The following TRPM3 variants were observed in gnomAD, a reference collection of about 807,000 sequenced individuals.
TRPM3 encodes the protein transient receptor potential cation channel subfamily M member 3.
In TRPM3, 77 loss-of-function variants were observed where a neutral mutation model predicts 181.2. That is an observed-to-expected ratio of 0.42 (90% CI 0.35 to 0.51). The LOEUF (loss-of-function observed/expected upper bound fraction) is 0.51, where lower values mean the gene tolerates loss of function less well. Ranked by LOEUF, TRPM3 falls within the 20% of genes least tolerant of loss-of-function variation. TRPM3 has a pLI of 0.01. For missense variants in TRPM3, 1,759 were observed against 2,196.7 expected, an observed-to-expected ratio of 0.80 and a Z score of 3.98; for synonymous variants, 745 against 796.4, an observed-to-expected ratio of 0.94 and a Z score of 1.09.
At chr9:71,385,806 G>C (rs531641587) in intron 1 of TRPM3, among the ~76,000 whole-genome samples, 6 of 152,204 alleles carry the variant, frequency 3.9e-5, no homozygotes, top group African/African-American at 1.4e-4. Context: ...CCGGGTTCAA[G>C]GGATTCTTCC....
intron 22 of TRPM3, among the ~76,000 whole-genome samples, chr9:70,569,640 A>G (rs1404055271): frequency 2.6e-5 from 4 of 152,170 alleles, no homozygotes; most frequent in Middle Eastern, 3.2e-3. Context: ...TCTGAGATCA[A>G]TCAGGATGTT....
intron 1 of TRPM3, among the ~76,000 whole-genome samples, chr9:70,958,840 A>G (rs2097106928): frequency 6.6e-6 from 1 of 151,920 alleles, no homozygotes; most frequent in South Asian, 2.1e-4. Flanking sequence ...AAAAATGATG[A>G]GTTCATGTCC....
intron 1 of TRPM3, among the ~76,000 whole-genome samples, chr9:71,381,273 A>G (rs927201554): frequency 4.6e-5 from 7 of 152,156 alleles, no homozygotes; most frequent in African/African-American, 1.7e-4. Context: ...TAACATTCAG[A>G]CTGGTAGATT....
rs182043909 is a variant in TRPM3, at chr9:71,395,315, T to C, written c.183+51338A>G. ...TACAAAGATTTAACAGCTTCAGATATAAATGTTTTGCCTTCCTCAGCGGAA... is the reference window on the plus strand; with the variant it reads ...TACAAAGATTTAACAGCTTCAGATACAAATGTTTTGCCTTCCTCAGCGGAA... On this transcript the variant is annotated intron_variant, in intron 1 of 24. Coordinates refer to the TRPM3 transcript ENST00000357533. Among the ~76,000 whole-genome samples the C allele has an allele frequency of 5.9e-5, 9 of 152,346 alleles. No individual in the cohort carries two copies. In the East Asian group the frequency reaches 1.5e-3, roughly 26 times the overall value.
At chr9:70,646,750 T>C (rs1043102065) in intron 9 of TRPM3, among the ~76,000 whole-genome samples, 33 of 151,802 alleles carry the variant, frequency 2.2e-4, no homozygotes, top group African/African-American at 6.5e-4. Flanking sequence ...TAAGAGTTGG[T>C]TTTTTGAAAA....
chr9:70,568,464 G>A (rs112144675), intron 22 of TRPM3, among the ~76,000 whole-genome samples: 4,348 of 152,266 alleles, frequency 0.029, 101 homozygotes, highest in Non-Finnish European at 0.043. Context: ...AAACCCTACA[G>A]AAAACACTTT....
In TRPM3 at chr9:70,598,603, A is replaced by T; in HGVS notation, c.2864T>A (p.Val955Asp). 6.2e-7 allele frequency: 1 copy of T among 1,614,212 alleles called. No individual in the cohort carries two copies. Among genetic ancestry groups the T allele is most frequent in the South Asian group, 1.1e-5 (1 of 91,078 alleles). The change falls in exon 21 of 26, where the codon GTC (valine) becomes GAC (aspartate). Residue 955 changes from valine to aspartate, a missense_variant. By Grantham distance (152) the Val-to-Asp change is radical. This residue lies in a region of TRPM3 where 100 missense variants were observed against 123.0 expected (regional missense o/e 0.81). Coordinates refer to ENST00000677713, the MANE Select transcript of TRPM3 (RefSeq NM_001366145.2). ...VKVWLQEYWN[V>D]TDLIAILLFS... Reference sequence around the variant, plus strand: ...CAGAAGGATGGCGATGAGGTCCGTGACATTCCAGTACTCCTGCAGCCATAC... The same window carrying T: ...CAGAAGGATGGCGATGAGGTCCGTGTCATTCCAGTACTCCTGCAGCCATAC...
chr9:71,291,926 A>G (rs1451075106), intron 1 of TRPM3, among the ~76,000 whole-genome samples: 2 of 152,078 alleles, frequency 1.3e-5, no homozygotes, highest in African/African-American at 4.8e-5. Context: ...TAGAACATAA[A>G]GCAAATCTCA....
At chr9:70,803,033 T>TA (rs78461560) in intron 6 of TRPM3, among the ~76,000 whole-genome samples, 5,137 of 42,698 alleles carry the variant, frequency 0.12, 631 homozygotes, top group Non-Finnish European at 0.15. Flanking sequence ...AGAAATTTTG[T>TA]AAAAAAAAAA....
intron 1 of TRPM3, among the ~76,000 whole-genome samples, chr9:70,887,680 C>G (rs1020459783): frequency 1.3e-5 from 2 of 152,192 alleles, no homozygotes; most frequent in African/African-American, 2.4e-5. Flanking sequence ...GCAGCCCATA[C>G]AAATCTATTT....
At chr9:70,752,411 G>A (rs1398638193) in intron 8 of TRPM3, among the ~76,000 whole-genome samples, 2 of 152,134 alleles carry the variant, frequency 1.3e-5, no homozygotes, top group African/African-American at 4.8e-5. Flanking sequence ...TTATGGATGG[G>A]TTACAGGTTT....
intron 8 of TRPM3, among the ~76,000 whole-genome samples, chr9:70,692,845 T>C (rs887566765): frequency 6.6e-6 from 1 of 151,660 alleles, no homozygotes; most frequent in Non-Finnish European, 1.5e-5. Context: ...GCAAATGAAA[T>C]CATTCAGTGA....
chr9:70,610,609 T>C lies in TRPM3; in HGVS notation c.2667A>G (p.Thr889=), dbSNP rs1321255177. Residue 889 remains threonine, a splice_region_variant and synonymous_variant, in exon 19 of 26, where the codon ACA becomes ACG. Transcript: ENST00000677713. The stretch of plus-strand genomic sequence containing the variant: ...GAAGGAGAAAAGGAAATGTGCTTAC[T>C]GTGTAGAACCAGAACTTCACGATGG... The part of the protein sequence containing the change: ...NAPIVKFWFY[T]LAYIGYLMLF... 2.5e-6 allele frequency: 4 copies of C among 1,613,284 alleles called. No homozygotes were observed. The African/African-American group carries it at 5.3e-5, about 22-fold the overall frequency.
At chr9:70,765,755 A>C (rs2078992624) in intron 7 of TRPM3, among the ~76,000 whole-genome samples, 1 of 152,154 alleles carries the variant, frequency 6.6e-6, no homozygotes, top group Non-Finnish European at 1.5e-5. Context: ...GATATATGGA[A>C]GCCTGCTTTC....
intron 1 of TRPM3, among the ~76,000 whole-genome samples, chr9:71,114,223 C>T (rs1253535898): frequency 6.6e-6 from 1 of 152,176 alleles, no homozygotes; most frequent in African/African-American, 2.4e-5. Context: ...GATATCCCTA[C>T]ACTACAACTC....
intron 1 of TRPM3, among the ~76,000 whole-genome samples, chr9:71,427,638 C>T (rs376047739): frequency 7.2e-5 from 11 of 152,284 alleles, no homozygotes; most frequent in African/African-American, 1.9e-4. Context: ...AGGCCATTAT[C>T]GTATGCAAAC....
Position 71,004,184 on chromosome 9 carries a change from G to T in TRPM3, c.177+116994C>A, listed in dbSNP as rs373690353. ...TGGAGAGGTCACATGGATAAGACTG[G>T]CCAGAGCCACAGTGCTGCAAGGGGG... On this transcript the variant is annotated intron_variant, in intron 1 of 25. Coordinates refer to ENST00000677713, the MANE Select transcript of TRPM3 (RefSeq NM_001366145.2). Among the ~76,000 whole-genome samples, 17 of 152,296 alleles carry T rather than the reference G, an allele frequency of 1.1e-4. No homozygotes were observed. The East Asian group carries it at 2.5e-3, about 22-fold the overall frequency.
chr9:71,240,066 CT>C (rs1768891024), intron 1 of TRPM3, among the ~76,000 whole-genome samples: 1 of 152,118 alleles, frequency 6.6e-6, no homozygotes, highest in African/African-American at 2.4e-5. Flanking sequence ...CAAGGATTAA[CT>C]AAAGAGAACC....
intron 1 of TRPM3, among the ~76,000 whole-genome samples, chr9:71,222,247 C>T (rs575049637): frequency 2.0e-5 from 3 of 152,260 alleles, no homozygotes; most frequent in Admixed American, 2.0e-4. Context: ...CCCCAGAATG[C>T]CTGGGGTTGA....
Sources: allele counts gnomAD v4.1 joint callset (sites outside exome capture counted in the v4.1 genomes callset), GRCh38; gene constraint gnomAD v4.1.1; regional missense constraint gnomAD v4.1.1; transcripts MANE v1.5; gene names NCBI Gene and HGNC (gene_info 2026-07-23, HGNC 2026-07-21).